MRPS27: variants seen among roughly 807,000 people sequenced by gnomAD.
MRPS27 encodes the protein mitochondrial ribosomal protein S27, also known as small ribosomal subunit protein mS27.
A neutral mutation model predicts 48.9 loss-of-function variants in MRPS27; 43 were observed. The ratio of observed to expected loss-of-function variants is 0.88; its 90% CI spans 0.69 to 1.13. The LOEUF (loss-of-function observed/expected upper bound fraction) is 1.13. Among genes scored for constraint, MRPS27 ranks in the 50% most tolerant of loss-of-function variants. The pLI is 0.00. For synonymous variants in MRPS27, 188 were observed against 171.9 expected (o/e 1.09, Z -0.73); for missense variants, 467 against 476.3 (o/e 0.98, Z 0.18).
At chr5:72,270,012 GT>G (rs1749194945) in intron 4 of MRPS27, among the ~76,000 whole-genome samples, 1 of 151,946 alleles carries the variant, frequency 6.6e-6, no homozygotes. Context: ...GGCCAACATG[GT>G]GAAATCCCAT....
intron 2 of MRPS27, among the ~76,000 whole-genome samples, chr5:72,311,489 G>A (rs1356812001): frequency 6.6e-6 from 1 of 152,156 alleles, no homozygotes; most frequent in Non-Finnish European, 1.5e-5. Flanking sequence ...GATCATAAGG[G>A]CTCTCCTCTG....
chr5:72,282,781 T>A (rs1749563146), intron 4 of MRPS27, among the ~76,000 whole-genome samples: 1 of 152,114 alleles, frequency 6.6e-6, no homozygotes, highest in South Asian at 2.1e-4. Flanking sequence ...ATACCCAACT[T>A]CTCATACCAC....
chr5:72,263,519 T>C (rs1422674624), intron 4 of MRPS27, among the ~76,000 whole-genome samples: 2 of 149,974 alleles, frequency 1.3e-5, no homozygotes, highest in Non-Finnish European at 3.0e-5. Flanking sequence ...ATTTCTTTGA[T>C]AAAAATCTAG....
chr5:72,284,671 G>A (rs1371817676), intron 4 of MRPS27, among the ~76,000 whole-genome samples: 1 of 152,094 alleles, frequency 6.6e-6, no homozygotes, highest in African/African-American at 2.4e-5. Flanking sequence ...TCATTCCAGA[G>A]ATATTTTATG....
rs955391372 is a variant in MRPS27 at position 72,302,956 on chromosome 5, T to A, written c.152-5254A>T. Among the ~76,000 whole-genome samples the A allele has an allele frequency of 7.2e-5, 11 of 152,372 alleles. No homozygotes were observed. The East Asian group carries it at 7.7e-4, about 11-fold the overall frequency. ...ATTATAAACTACAAGTCAGCCCTCATGCCTCTTTGGGGATTTAATCCACTC... is the reference window on the plus strand; with the variant it reads ...ATTATAAACTACAAGTCAGCCCTCAAGCCTCTTTGGGGATTTAATCCACTC... On this transcript the variant is annotated intron_variant, in intron 2 of 10. Coordinates refer to ENST00000261413, the MANE Select transcript of MRPS27 (RefSeq NM_015084.3).
intron 5 of MRPS27, among the ~76,000 whole-genome samples, chr5:72,237,005 C>T (rs1345427983): frequency 6.6e-6 from 1 of 151,364 alleles, no homozygotes; most frequent in African/African-American, 2.4e-5. Context: ...TTGCAGTCTC[C>T]ACCTCCTAGG....
chr5:72,263,178 TAACACAGTG>T (rs141488913), intron 4 of MRPS27, among the ~76,000 whole-genome samples: 1,671 of 152,304 alleles, frequency 0.011, 30 homozygotes, highest in African/African-American at 0.038. Flanking sequence ...CCTTCATCAG[TAACACAGTG>T]AATTAAAGAA....
chr5:72,280,930 A>G (rs1036071874), intron 4 of MRPS27, among the ~76,000 whole-genome samples: 2 of 152,198 alleles, frequency 1.3e-5, no homozygotes, highest in Non-Finnish European at 2.9e-5. Flanking sequence ...CACGTATGAC[A>G]GATTTGATTT....
At chr5:72,308,926 G>T (rs144817834) in intron 2 of MRPS27, among the ~76,000 whole-genome samples, 123 of 152,306 alleles carry the variant, frequency 8.1e-4, no homozygotes, top group African/African-American at 2.8e-3. Context: ...ATGTCAGACG[G>T]AGAGGCAGGC....
At chr5:72,308,275 C>G (rs1750334975) in intron 2 of MRPS27, among the ~76,000 whole-genome samples, 1 of 152,232 alleles carries the variant, frequency 6.6e-6, no homozygotes, top group Non-Finnish European at 1.5e-5. Flanking sequence ...CTCTCTCTCG[C>G]CGTACTCCCC....
intron 8 of MRPS27, chr5:72,227,286 A>T (rs2111939195): frequency 6.6e-6 from 1 of 152,324 alleles, no homozygotes; most frequent in South Asian, 2.1e-4. Context: ...CTGAAAGCAA[A>T]GGAAAATACA....
At chr5:72,260,821 T>C (rs1221041745) in intron 4 of MRPS27, among the ~76,000 whole-genome samples, 3 of 152,204 alleles carry the variant, frequency 2.0e-5, no homozygotes, top group Non-Finnish European at 4.4e-5. Flanking sequence ...ATGCCAAGTT[T>C]CATATTACTT....
chr5:72,262,953 T>C (rs1356628257), intron 4 of MRPS27, among the ~76,000 whole-genome samples: 2 of 152,202 alleles, frequency 1.3e-5, no homozygotes, highest in South Asian at 2.1e-4. Flanking sequence ...GAGATTTTTA[T>C]GCTTGCCTTT....
chr5:72,224,182 G>T (rs1325144949), intron 9 of MRPS27, among the ~76,000 whole-genome samples: 1 of 150,848 alleles, frequency 6.6e-6, no homozygotes, highest in Admixed American at 6.6e-5. Flanking sequence ...GGGCAACACA[G>T]GGAGACTCCA....
At chr5:72,240,104 G>A (rs1005963093) in intron 4 of MRPS27, among the ~76,000 whole-genome samples, 2 of 152,062 alleles carry the variant, frequency 1.3e-5, no homozygotes, top group African/African-American at 4.8e-5. Flanking sequence ...ACTGATTCCT[G>A]TACTGACACA....
At chr5:72,295,475 G>T in intron 4 of MRPS27, 56 bp downstream of exon 4, 1 of 1,319,394 alleles carries the variant, frequency 7.6e-7, no homozygotes, top group Non-Finnish European at 1.1e-6. Flanking sequence ...CAACTTTTAT[G>T]TAAAAAAGGG....
chr5:72,302,415 C>G (rs1048175482), intron 2 of MRPS27, among the ~76,000 whole-genome samples: 3 of 152,164 alleles, frequency 2.0e-5, no homozygotes, highest in African/African-American at 7.2e-5. Flanking sequence ...TGTAGCCAAT[C>G]AAGCACGTCA....
At chr5:72,233,280 TA>T (rs1264079472) in intron 6 of MRPS27, among the ~76,000 whole-genome samples, 1 of 152,174 alleles carries the variant, frequency 6.6e-6, no homozygotes, top group Non-Finnish European at 1.5e-5. Flanking sequence ...TGCTGGTCAT[TA>T]AAGCCTGGAG....
intron 4 of MRPS27, among the ~76,000 whole-genome samples, chr5:72,281,792 T>G (rs1459295836): frequency 1.3e-5 from 2 of 152,332 alleles, no homozygotes; most frequent in East Asian, 3.9e-4. Flanking sequence ...ATGCACAAAG[T>G]TCTCACTTGA....
Sources: gnomAD v4.1 joint callset for allele counts (sites outside exome capture counted in the v4.1 genomes callset) on GRCh38, gnomAD v4.1.1 for gene constraint, MANE v1.5 for transcripts, NCBI Gene and HGNC (gene_info 2026-07-23, HGNC 2026-07-21) for gene names.